Variants in ANKS1B observed in about 807,000 individuals in gnomAD.
ANKS1B encodes ankyrin repeat and sterile alpha motif domain containing 1B, also known as ankyrin repeat and sterile alpha motif domain-containing protein 1B.
ANKS1B carries 36 observed loss-of-function variants against 148.3 expected under a neutral mutation model. The observed-to-expected ratio is 0.24, with a 90% CI of 0.19 to 0.32. The LOEUF (loss-of-function observed/expected upper bound fraction) is 0.32. Among genes scored for constraint, ANKS1B ranks in the 10% least tolerant of loss-of-function variants. The pLI is 1.00. For synonymous variants in ANKS1B, 542 were observed against 560.8 expected, an observed-to-expected ratio of 0.97 and a Z score of 0.47; for missense variants, 1,157 against 1,542.6, an observed-to-expected ratio of 0.75 and a Z score of 4.19.
intron 1 of ANKS1B, among the ~76,000 whole-genome samples, chr12:99,915,053 T>G (rs1398024694): frequency 6.6e-6 from 1 of 151,820 alleles, no homozygotes; most frequent in African/African-American, 2.4e-5. Flanking sequence ...TGGTGAAACC[T>G]CATCTCTACT....
intron 16 of ANKS1B, among the ~76,000 whole-genome samples, chr12:99,057,372 A>G (rs1368023838): frequency 1.3e-5 from 2 of 152,130 alleles, no homozygotes; most frequent in Non-Finnish European, 2.9e-5. Flanking sequence ...ACCCATGCTT[A>G]TTTTGAAATT....
intron 9 of ANKS1B, among the ~76,000 whole-genome samples, chr12:99,510,762 A>G (rs1961649): frequency 6.6e-6 from 1 of 151,966 alleles, no homozygotes; most frequent in African/African-American, 2.4e-5. Context: ...TGTGAGTAAA[A>G]TGCTATCAAA....
rs183552400 is a variant in ANKS1B, at chr12:99,309,038, C to T, written c.1757-62174G>A. On this transcript the variant is annotated intron_variant, in intron 12 of 26. Transcript: ENST00000683438. ...ATACTATCAGTTTTCATGTATTAAT[C>T]CTACAGCTAGGAACCTGGCTAAACT... Among the ~76,000 whole-genome samples, 18 of 151,392 alleles carry T rather than the reference C, an allele frequency of 1.2e-4. No homozygotes were observed. In the East Asian group the frequency reaches 3.5e-3, roughly 29 times the overall value.
At chr12:99,861,630 C>A (rs1037691644) in intron 1 of ANKS1B, among the ~76,000 whole-genome samples, 1 of 151,994 alleles carries the variant, frequency 6.6e-6, no homozygotes, top group African/African-American at 2.4e-5. Flanking sequence ...TTTCACAAGC[C>A]CAAAAGCTCT....
At chr12:99,189,337 AT>A (rs1015832728) in intron 14 of ANKS1B, among the ~76,000 whole-genome samples, 3 of 152,210 alleles carry the variant, frequency 2.0e-5, no homozygotes, top group African/African-American at 7.2e-5. Context: ...ACCCTAACTC[AT>A]TTTATGAGAC....
At chr12:99,124,114 A>T (rs970191247) in intron 15 of ANKS1B, among the ~76,000 whole-genome samples, 2 of 152,174 alleles carry the variant, frequency 1.3e-5, no homozygotes, top group Non-Finnish European at 2.9e-5. Context: ...GGGGTAATAT[A>T]ATCTGACATC....
At chr12:99,171,227 A>T (rs966064004) in intron 14 of ANKS1B, among the ~76,000 whole-genome samples, 2 of 152,242 alleles carry the variant, frequency 1.3e-5, no homozygotes, top group African/African-American at 2.4e-5. Context: ...GTGTCCTCTG[A>T]TCTGAGAATT....
intron 2 of ANKS1B, among the ~76,000 whole-genome samples, chr12:99,817,447 T>C (rs923602795): frequency 6.6e-6 from 1 of 151,830 alleles, no homozygotes. Context: ...ATCTTAGCTA[T>C]TGGGAATAGT....
intron 9 of ANKS1B, among the ~76,000 whole-genome samples, chr12:99,644,212 A>G (rs2098337399): frequency 1.3e-5 from 2 of 152,176 alleles, no homozygotes; most frequent in Admixed American, 6.5e-5. Flanking sequence ...CTGCTATTAT[A>G]TAGCAAGTAT....
chr12:99,857,385 T>C (rs936644390), intron 1 of ANKS1B, among the ~76,000 whole-genome samples: 11 of 152,200 alleles, frequency 7.2e-5, no homozygotes, highest in South Asian at 2.1e-4. Context: ...AAAGAAATCA[T>C]AGACAACACA....
chr12:99,440,421 T>A (rs2095530863), intron 11 of ANKS1B, among the ~76,000 whole-genome samples: 1 of 151,772 alleles, frequency 6.6e-6, no homozygotes, highest in Non-Finnish European at 1.5e-5. Flanking sequence ...TCAAAGATTT[T>A]TTTTTCAAGT....
chr12:99,096,261 G>A (rs2056079075), intron 15 of ANKS1B, among the ~76,000 whole-genome samples: 1 of 152,142 alleles, frequency 6.6e-6, no homozygotes, highest in South Asian at 2.1e-4. Flanking sequence ...GGTGGGCAGT[G>A]AATGGCGATT....
chr12:98,822,205 C>T (rs139931098), intron 19 of ANKS1B, among the ~76,000 whole-genome samples: 22 of 152,066 alleles, frequency 1.4e-4, no homozygotes, highest in Non-Finnish European at 2.4e-4. Context: ...TAGGCCTATA[C>T]GCACAGAATT....
chr12:98,741,126 G>A (rs1188491368), downstream of ANKS1B, among the ~76,000 whole-genome samples: 6 of 152,134 alleles, frequency 3.9e-5, no homozygotes, highest in African/African-American at 1.4e-4. Flanking sequence ...TGTTATTGCT[G>A]GTCTTTGCTA....
chr12:99,944,380 C>T (rs2095001291), intron 1 of ANKS1B, among the ~76,000 whole-genome samples: 1 of 152,178 alleles, frequency 6.6e-6, no homozygotes, highest in Admixed American at 6.5e-5. Flanking sequence ...TGGAAGGCCT[C>T]CTTCCCAGTG....
chr12:99,606,938 C>T (rs542405798), intron 9 of ANKS1B, among the ~76,000 whole-genome samples: 16 of 152,210 alleles, frequency 1.1e-4, no homozygotes, highest in Non-Finnish European at 1.6e-4. Flanking sequence ...TTCACCCCAG[C>T]CATCCTGGGT....
At chr12:99,222,983 T>C (rs1336633447) in intron 14 of ANKS1B, among the ~76,000 whole-genome samples, 1 of 152,228 alleles carries the variant, frequency 6.6e-6, no homozygotes, top group Admixed American at 6.5e-5. Flanking sequence ...TGTGTGCATA[T>C]ACTCATCTGT....
At chr12:99,293,574 T>C (rs895724720) in intron 12 of ANKS1B, among the ~76,000 whole-genome samples, 1 of 152,078 alleles carries the variant, frequency 6.6e-6, no homozygotes, top group African/African-American at 2.4e-5. Context: ...ATGAAACTAC[T>C]AAAAGAAAAT....
intron 4 of ANKS1B, among the ~76,000 whole-genome samples, chr12:99,798,809 C>T (rs547342819): frequency 6.6e-6 from 1 of 152,152 alleles, no homozygotes; most frequent in Non-Finnish European, 1.5e-5. Flanking sequence ...TACTCATTCT[C>T]TCTTCCTTCA....
Sources: gnomAD v4.1 joint callset for allele counts (sites outside exome capture counted in the v4.1 genomes callset) on GRCh38, gnomAD v4.1.1 for gene constraint, MANE v1.5 for transcripts, NCBI Gene and HGNC (gene_info 2026-07-23, HGNC 2026-07-21) for gene names.